UGT1A6: variants seen among roughly 807,000 people sequenced by gnomAD.
The protein encoded by UGT1A6 is UDP glucuronosyltransferase family 1 member A6.
UGT1A6 carries 32 observed loss-of-function variants against 44.4 expected under a neutral mutation model. The ratio of observed to expected loss-of-function variants is 0.72; its 90% CI spans 0.54 to 0.97. The LOEUF (loss-of-function observed/expected upper bound fraction) is 0.97, where lower values mean the gene tolerates loss of function less well. UGT1A6 is among the 50% of genes least tolerant of loss of function. The probability of loss-of-function intolerance (pLI) is 0.00; values close to 1 mark genes in which losing one functional copy is unlikely to be tolerated. For missense variants in UGT1A6, 685 were observed against 661.9 expected (o/e 1.03, Z -0.38); for synonymous variants, 238 against 248.5 (o/e 0.96, Z 0.40).
rs1575521689 is a variant in UGT1A6, at chr2:233,718,730, T to C, written c.861+24865T>C. Reference sequence around the variant, plus strand: ...TCCAATTACATGCTGATTTGCTAGGTGGCTCAATGACAAGGTAATTAAGGC... The same window carrying C: ...TCCAATTACATGCTGATTTGCTAGGCGGCTCAATGACAAGGTAATTAAGGC... On this transcript the variant is annotated intron_variant, in intron 1 of 4. Transcript: ENST00000305139. 6.2e-6 allele frequency: 10 copies of C among 1,611,210 alleles called. No homozygotes were observed. The East Asian group carries it at 2.2e-4, about 36-fold the overall frequency.
intron 1 of UGT1A6, among the ~76,000 whole-genome samples, chr2:233,710,315 T>G (rs1041842675): frequency 6.6e-6 from 1 of 152,244 alleles, no homozygotes; most frequent in African/African-American, 2.4e-5. Context: ...GGTAGGTGTA[T>G]GTATGACTTC....
In UGT1A6 at chr2:233,768,384, G is replaced by A; in HGVS notation, c.1246G>A (p.Glu416Lys). 2 of 1,614,136 alleles carry A rather than the reference G, an allele frequency of 1.2e-6. No individual in the cohort carries two copies. Among genetic ancestry groups the A allele is most frequent in the Non-Finnish European group, 1.7e-6 (2 of 1,180,028 alleles). ...KGAGVTLNVLEMTSEDLENAL... is the reference protein window; with the variant it reads ...KGAGVTLNVLKMTSEDLENAL... ...AGCTGGAGTGACCCTGAATGTTCTGGAAATGACTTCTGAAGATTTAGAAAA... is the reference window on the plus strand; with the variant it reads ...AGCTGGAGTGACCCTGAATGTTCTGAAAATGACTTCTGAAGATTTAGAAAA... The change falls in exon 4 of 5, where the codon GAA becomes AAA. Residue 416 changes from glutamate (E) to lysine (K), a missense_variant. By Grantham distance (56) the Glu-to-Lys change is moderately conservative. Transcript: ENST00000305139.
At chr2:233,721,730 G>A (rs1364085120) in intron 1 of UGT1A6, 3 of 416,596 alleles carry the variant, frequency 7.2e-6, no homozygotes, top group Non-Finnish European at 9.6e-6. Context: ...ACTTGGATAA[G>A]CTTAATGATG....
rs74792728 is a variant in UGT1A6 at position 233,697,391 on chromosome 2, T to A, written c.861+3526T>A. Among the ~76,000 whole-genome samples the A allele has an allele frequency of 6.1e-3, 934 of 152,218 alleles. 11 individuals carry two copies. Among genetic ancestry groups the A allele is most frequent in the African/African-American group, 0.021 (887 of 41,568 alleles). ...TAGAGTTCACAATAATCGCTAATGA[T>A]CCTTTGTATTTCTGTGGTGTCAGTT... is the stretch of plus-strand genomic sequence containing the variant. On this transcript the variant is annotated intron_variant, in intron 1 of 4. Coordinates refer to ENST00000305139, the MANE Select transcript of UGT1A6 (RefSeq NM_001072.4).
At chr2:233,747,247 C>T in intron 1 of UGT1A6, 1 of 1,601,894 alleles carries the variant, frequency 6.2e-7, no homozygotes, top group Non-Finnish European at 8.5e-7. Context: ...CCTGCTGTGG[C>T]TGGCCACAGG....
rs766438569 is a variant in UGT1A6, at chr2:233,729,630, T to G, written c.861+35765T>G. 4 of 1,613,982 alleles carry G rather than the reference T, an allele frequency of 2.5e-6. No homozygotes were observed. The South Asian group carries it at 4.4e-5, about 18-fold the overall frequency. ...TGCTGGCTAAGTACCTGTCGATTCCTACTGTGTTTTTTTTGAGGAACATTC... is the reference window on the plus strand; with the variant it reads ...TGCTGGCTAAGTACCTGTCGATTCCGACTGTGTTTTTTTTGAGGAACATTC... On this transcript the variant is annotated intron_variant, in intron 1 of 4. Transcript: ENST00000305139.
intron 1 of UGT1A6, among the ~76,000 whole-genome samples, chr2:233,748,465 C>G (rs987593580): frequency 6.6e-6 from 1 of 151,790 alleles, no homozygotes; most frequent in African/African-American, 2.4e-5. Context: ...AAAGATGATG[C>G]AACAGCAAAT....
chr2:233,756,289 G>GTATT (rs914898578), intron 1 of UGT1A6: 1 of 152,128 alleles, frequency 6.6e-6, no homozygotes, highest in African/African-American at 2.4e-5. Context: ...AAATGACACA[G>GTATT]TATTTGTATA....
At chr2:233,729,801 T>C (rs1335994294) in intron 1 of UGT1A6, 3 of 1,613,964 alleles carry the variant, frequency 1.9e-6, no homozygotes, top group Non-Finnish European at 1.7e-6. Context: ...ACATTTGCCA[T>C]GCTTTTTCTG....
At chr2:233,739,481 A>C (rs1429465625) in intron 1 of UGT1A6, among the ~76,000 whole-genome samples, 1 of 152,208 alleles carries the variant, frequency 6.6e-6, no homozygotes, top group Non-Finnish European at 1.5e-5. Flanking sequence ...GTGGGAGCCC[A>C]TTTCTGGCAT....
In UGT1A6 at chr2:233,769,855, CT is replaced by C; in HGVS notation, c.1301+1417del. 1 of 372,068 alleles carries C rather than the reference CT, an allele frequency of 2.7e-6. No individual in the cohort carries two copies. Among genetic ancestry groups the C allele is most frequent in the Non-Finnish European group, 4.4e-6 (1 of 226,688 alleles). The allele number at this position is 372,068 out of a possible 1,614,324, so 23.0% of individuals were successfully genotyped here. A position where few individuals can be genotyped will look rare whatever the true frequency, so the allele number is the denominator to read the frequency against. On this transcript the variant is annotated intron_variant, in intron 4 of 4. Coordinates refer to ENST00000305139, the MANE Select transcript of UGT1A6 (RefSeq NM_001072.4). This position sits in a 1 kb window ranked among gnomAD's most constrained non-coding sequence, Gnocchi z 4.4. ...CCTGGGCAACAGAGTGAGACCCTGT[CT>C]CAAAAAAAAAAAAAAAAATGAAAAG... is the stretch of plus-strand genomic sequence containing the variant.
In UGT1A6 at chr2:233,719,438, A is replaced by C. The variant is rs755711754; in HGVS notation, c.861+25573A>C. 1.9e-6 allele frequency: 3 copies of C among 1,613,802 alleles called. No homozygotes were observed. In the African/African-American group the frequency reaches 4.0e-5, roughly 22 times the overall value. ...TAACGACCAATTCAGACCACATGAC[A>C]TTCCTGCAAAGGGTCAAGAACATGC... On this transcript the variant is annotated intron_variant, in intron 1 of 4. Transcript: ENST00000305139.
intron 1 of UGT1A6, chr2:233,760,619 A>G: frequency 6.2e-7 from 1 of 1,614,198 alleles, no homozygotes; most frequent in Non-Finnish European, 8.5e-7. Flanking sequence ...CGTGTGATCA[A>G]AACATACAAG....
chr2:233,732,311 T>A (rs1163118726), intron 1 of UGT1A6, among the ~76,000 whole-genome samples: 3 of 152,222 alleles, frequency 2.0e-5, no homozygotes, highest in Admixed American at 6.5e-5. Flanking sequence ...CCCATTTGTC[T>A]ATTTTGGCTT....
At chr2:233,747,496 G>A in intron 1 of UGT1A6, 1 of 1,608,732 alleles carries the variant, frequency 6.2e-7, no homozygotes, top group Non-Finnish European at 8.5e-7. Context: ...CTTGTGCTGG[G>A]CCACACTCAA....
intron 1 of UGT1A6, among the ~76,000 whole-genome samples, chr2:233,766,497 A>T (rs906652149): frequency 3.9e-5 from 6 of 152,128 alleles, no homozygotes; most frequent in Admixed American, 3.9e-4. Context: ...GTGGCAGGCC[A>T]GGGTGGTTTT....
At chr2:233,724,944 C>G (rs1166254724) in intron 1 of UGT1A6, among the ~76,000 whole-genome samples, 4 of 144,592 alleles carry the variant, frequency 2.8e-5, no homozygotes, top group African/African-American at 1.1e-4. Context: ...CGTCTGCAAT[C>G]CCGGCACCTC....
In UGT1A6 at chr2:233,760,202, A is replaced by ACAT. The variant is rs1697345011; in HGVS notation, c.862-6831_862-6829dup. ...TTTTATAGTCACGTGACACAGTCAA[A>ACAT]CATTAACTTGGTGTATCGATTGGTT... is the stretch of plus-strand genomic sequence containing the variant. On this transcript the variant is annotated intron_variant, in intron 1 of 4. Transcript: ENST00000305139. The ACAT allele has an allele frequency of 2.7e-5, 43 of 1,583,728 alleles. No homozygotes were observed. In the South Asian group the frequency reaches 4.6e-4, roughly 17 times the overall value.
intron 1 of UGT1A6, among the ~76,000 whole-genome samples, chr2:233,757,948 G>A (rs1469946422): frequency 6.6e-6 from 1 of 152,076 alleles, no homozygotes; most frequent in Non-Finnish European, 1.5e-5. Flanking sequence ...TCATATTGCT[G>A]CCCTGCTGTG....
Sources: allele counts gnomAD v4.1 joint callset (sites outside exome capture counted in the v4.1 genomes callset), GRCh38; gene constraint gnomAD v4.1.1; non-coding constraint Gnocchi (gnomAD v3.1); transcripts MANE v1.5; gene names NCBI Gene and HGNC (gene_info 2026-07-23, HGNC 2026-07-21).